CECR2: variants seen among roughly 807,000 people sequenced by gnomAD.
CECR2 encodes the protein CECR2 histone acetyl-lysine reader.
A neutral mutation model predicts 154.5 loss-of-function variants in CECR2; 30 were observed. That is an observed-to-expected ratio of 0.19 (90% CI 0.15 to 0.26). The LOEUF (loss-of-function observed/expected upper bound fraction) is 0.26. Among genes scored for constraint, CECR2 ranks in the 10% least tolerant of loss-of-function variants. The pLI, the probability that CECR2 is intolerant of heterozygous loss-of-function variation, is 1.00. For missense variants in CECR2, 1,743 were observed against 1,829.3 expected (o/e 0.95, Z 0.86); for synonymous variants, 725 against 683.7 (o/e 1.06, Z -0.94).
intron 1 of CECR2, among the ~76,000 whole-genome samples, chr22:17,462,284 G>A (rs114741924): frequency 0.04 from 6,077 of 151,724 alleles, 199 homozygotes; most frequent in South Asian, 0.13. Flanking sequence ...GGCGCCTGTA[G>A]TCCCAGGCAG....
chr22:17,383,666 T>C (rs1325298931), intron 1 of CECR2, among the ~76,000 whole-genome samples: 1 of 145,984 alleles, frequency 6.9e-6, no homozygotes, highest in Non-Finnish European at 1.5e-5. Context: ...ACTTTTTTTT[T>C]TTTTTTTTTT....
intron 8 of CECR2, among the ~76,000 whole-genome samples, chr22:17,516,626 G>A (rs535406260): frequency 7.0e-4 from 96 of 136,930 alleles, no homozygotes; most frequent in African/African-American, 2.2e-3. Context: ...GTTTTGAGAC[G>A]GAGTTTTGCC....
intron 16 of CECR2, among the ~76,000 whole-genome samples, chr22:17,547,038 C>CAA (rs1167599171): frequency 0.045 from 2,424 of 53,694 alleles, 124 homozygotes; most frequent in African/African-American, 0.11. Context: ...GACTCTGCCT[C>CAA]AAAAAAAAAA....
Position 17,549,094 on chromosome 22 carries a change from C to A in CECR2, c.3807C>A (p.Val1269=). The change falls in exon 17 of 19, where the codon GTC becomes GTA. Residue 1269 remains valine (V), a synonymous_variant. Coordinates refer to ENST00000262608, the MANE Select transcript of CECR2 (RefSeq NM_001290047.2). ...PTRMDAVAAK[V]PNDGQNPGPE... Reference sequence around the variant, plus strand: ...GTATGGATGCAGTGGCTGCTAAAGTCCCAAATGACGGGCAGAATCCTGGTC... The same window carrying A: ...GTATGGATGCAGTGGCTGCTAAAGTACCAAATGACGGGCAGAATCCTGGTC... The A allele has an allele frequency of 1.2e-6, 2 of 1,614,000 alleles. No individual in the cohort carries two copies. The highest frequency in any genetic ancestry group is 3.3e-4 in the Middle Eastern group (2 of 6,062).
At chr22:17,466,598 C>CCTTTTTTTTTTTTTTTTTTTTTTTTTTTT (rs555359003) in intron 1 of CECR2, among the ~76,000 whole-genome samples, 2 of 140,182 alleles carry the variant, frequency 1.4e-5, no homozygotes, top group South Asian at 2.3e-4. Flanking sequence ...AAAACCTTGC[C>CCTTTTTTTTTTTTTTTTTTTTTTTTTTTT]TTTTTTTTTT....
intron 1 of CECR2, among the ~76,000 whole-genome samples, chr22:17,466,040 G>A (rs997885523): frequency 6.6e-6 from 1 of 152,042 alleles, no homozygotes; most frequent in African/African-American, 2.4e-5. Context: ...TTATTATTTT[G>A]AGACAGAGTC....
chr22:17,545,383 A>AG (rs2056596621), intron 16 of CECR2, among the ~76,000 whole-genome samples: 1 of 151,010 alleles, frequency 6.6e-6, no homozygotes, highest in African/African-American at 2.4e-5. Flanking sequence ...TCAAAAAAAA[A>AG]AAAAAAAAAA....
chr22:17,543,075 A>T, intron 16 of CECR2, 72 bp downstream of exon 16: 1 of 1,442,870 alleles, frequency 6.9e-7, no homozygotes, highest in South Asian at 1.4e-5. Flanking sequence ...AGCATATCAA[A>T]CCAAGTGTAA....
chr22:17,449,724 C>A (rs1001376977), intron 1 of CECR2, among the ~76,000 whole-genome samples: 30 of 151,850 alleles, frequency 2.0e-4, no homozygotes, highest in Admixed American at 7.9e-4. Flanking sequence ...CTCCTGACCT[C>A]GTGATCTGCC....
At chr22:17,531,026 T>C (rs1217125946) in intron 9 of CECR2, among the ~76,000 whole-genome samples, 2 of 152,138 alleles carry the variant, frequency 1.3e-5, no homozygotes, top group African/African-American at 2.4e-5. Context: ...TGCTACTGAA[T>C]TGTATGCTCA....
chr22:17,552,254 G>T (rs1022274218), intron 18 of CECR2, 112 bp downstream of exon 18: 1 of 936,842 alleles, frequency 1.1e-6, no homozygotes, highest in Admixed American at 2.3e-5. Context: ...GTGGATACAG[G>T]AACTTTGCCT....
At chr22:17,506,252 G>A (rs1033886961) in intron 7 of CECR2, among the ~76,000 whole-genome samples, 7 of 152,046 alleles carry the variant, frequency 4.6e-5, no homozygotes, top group African/African-American at 9.7e-5. Context: ...TGATCCTCTC[G>A]AGTAGCTGGG....
At chr22:17,418,405 T>A (rs2054186572) in intron 1 of CECR2, among the ~76,000 whole-genome samples, 1 of 152,238 alleles carries the variant, frequency 6.6e-6, no homozygotes, top group Non-Finnish European at 1.5e-5. Flanking sequence ...GAGCTGTGTC[T>A]GTCTTTGCCC....
chr22:17,370,443 C>T (rs1159281502), intron 1 of CECR2, among the ~76,000 whole-genome samples: 4 of 151,676 alleles, frequency 2.6e-5, no homozygotes, highest in African/African-American at 9.7e-5. Flanking sequence ...CCCAAGCTCC[C>T]GGGAGGCGCT....
chr22:17,544,497 C>CAAAAAA (rs34885224), intron 16 of CECR2, among the ~76,000 whole-genome samples: 1 of 57,392 alleles, frequency 1.7e-5, no homozygotes, highest in African/African-American at 6.6e-5. Flanking sequence ...GACTCCATCT[C>CAAAAAA]AAAAAAAAAA....
chr22:17,493,191 C>T lies in CECR2; in HGVS notation c.222-4212C>T, dbSNP rs1017409766. On this transcript the variant is annotated intron_variant, in intron 2 of 18. Coordinates refer to ENST00000262608, the MANE Select transcript of CECR2 (RefSeq NM_001290047.2). ...TTCTCTGTGTTGGCCAGGCTGGTCT[C>T]AAACTCCTGTCCTCAAGTGATCTGC... Among the ~76,000 whole-genome samples, 6 of 152,232 alleles carry T rather than the reference C, an allele frequency of 3.9e-5. No individual in the cohort carries two copies. The East Asian group carries it at 7.7e-4, about 20-fold the overall frequency.
chr22:17,376,346 C>T (rs149565862), intron 1 of CECR2, among the ~76,000 whole-genome samples: 14 of 150,334 alleles, frequency 9.3e-5, no homozygotes, highest in African/African-American at 3.2e-4. Context: ...GCACATGGCT[C>T]GCTTTGCAAC....
chr22:17,391,911 C>T (rs1428424488), intron 1 of CECR2, among the ~76,000 whole-genome samples: 1 of 152,188 alleles, frequency 6.6e-6, no homozygotes, highest in African/African-American at 2.4e-5. Context: ...AAGCAATTCC[C>T]CCGTCTCAGC....
intron 1 of CECR2, among the ~76,000 whole-genome samples, chr22:17,435,272 C>A (rs1651451346): frequency 6.6e-6 from 1 of 152,072 alleles, no homozygotes; most frequent in African/African-American, 2.4e-5. Context: ...ACAAACGTTG[C>A]TGCCTGCTAC....
Sources: gnomAD v4.1 joint callset for allele counts (sites outside exome capture counted in the v4.1 genomes callset) on GRCh38, gnomAD v4.1.1 for gene constraint, MANE v1.5 for transcripts, NCBI Gene and HGNC (gene_info 2026-07-23, HGNC 2026-07-21) for gene names.